The following RHOH variants were observed in gnomAD, a reference collection of about 807,000 sequenced individuals.
RHOH encodes rho-related GTP-binding protein RhoH.
In RHOH, 6 loss-of-function variants were observed where a neutral mutation model predicts 13.8. That is an observed-to-expected ratio of 0.44 (90% confidence interval 0.24 to 0.86). RHOH has a LOEUF of 0.86. Among genes scored for constraint, RHOH ranks in the 40% least tolerant of loss-of-function variants. The probability of loss-of-function intolerance (pLI) is 0.24; values close to 1 mark genes in which losing one functional copy is unlikely to be tolerated. For missense variants in RHOH, 147 were observed against 244.5 expected (o/e 0.60, Z 2.66); for synonymous variants, 117 against 103.0 (o/e 1.14, Z -0.82).
intron 1 of RHOH, among the ~76,000 whole-genome samples, chr4:40,223,733 C>A (rs1726872176): frequency 7.0e-6 from 1 of 142,142 alleles, no homozygotes; most frequent in Admixed American, 7.1e-5. Context: ...GCCATGTATA[C>A]TTTTAGACAT....
At chr4:40,216,814 A>C (rs1211250402) in intron 1 of RHOH, among the ~76,000 whole-genome samples, 2 of 152,234 alleles carry the variant, frequency 1.3e-5, no homozygotes, top group African/African-American at 2.4e-5. Context: ...CATAAATGAT[A>C]GTTCAAATAT....
At chr4:40,198,547 G>A (rs909614766) in intron 1 of RHOH, among the ~76,000 whole-genome samples, 5 of 152,332 alleles carry the variant, frequency 3.3e-5, no homozygotes, top group South Asian at 2.1e-4. Flanking sequence ...CTTGTCGAGC[G>A]TGGCCTCTTC....
intron 1 of RHOH, among the ~76,000 whole-genome samples, chr4:40,230,339 G>A (rs2109506493): frequency 6.6e-6 from 1 of 151,446 alleles, no homozygotes; most frequent in East Asian, 2.0e-4. Flanking sequence ...CACCCGGCCT[G>A]GACTTTTTTG....
In RHOH at chr4:40,208,235, T is replaced by TG. The variant is rs139030547; in HGVS notation, c.-331+10937dup. The stretch of plus-strand genomic sequence containing the variant: ...GTTAGTGCTCCTTCCTTTATAAATT[T>TG]GGTCGTGATTGATTTTATTTCTCAA... On this transcript the variant is annotated intron_variant, in intron 1 of 2. Transcript: ENST00000381799. Among the ~76,000 whole-genome samples, 1,177 of 152,354 alleles carry TG rather than the reference T, an allele frequency of 7.7e-3. 25 individuals are homozygous for TG. Among genetic ancestry groups the TG allele is most frequent in the South Asian group, 0.045 (216 of 4,826 alleles).
At position 40,203,543 on chromosome 4, in the gene RHOH, TGAGA is replaced by T. The variant is rs932328053; in HGVS notation, c.-331+6253_-331+6256del. On this transcript the variant is annotated intron_variant, in intron 1 of 2. Coordinates refer to ENST00000381799, the MANE Select transcript of RHOH (RefSeq NM_004310.5). ...GTGAGTGTGTGTGTGTGTGTGTGTGTGAGAGAGAGAGAGTGTGTGTGTGTGTGTT... is the reference window on the plus strand; with the variant it reads ...GTGAGTGTGTGTGTGTGTGTGTGTGTGAGAGAGAGTGTGTGTGTGTGTGTT... Among the ~76,000 whole-genome samples the T allele has an allele frequency of 7.4e-5, 11 of 148,252 alleles. No individual in the cohort carries two copies. In the East Asian group the frequency reaches 9.7e-4, roughly 13 times the overall value.
At chr4:40,199,347 C>G (rs763129912) in intron 1 of RHOH, among the ~76,000 whole-genome samples, 2 of 152,248 alleles carry the variant, frequency 1.3e-5, no homozygotes, top group African/African-American at 2.4e-5. Flanking sequence ...AAAGCTAACT[C>G]TCCTAATCCC....
chr4:40,193,186 G>A (rs1722782027), upstream of RHOH: 1 of 152,554 alleles, frequency 6.6e-6, no homozygotes, highest in Non-Finnish European at 1.5e-5. Context: ...ACCTCACTGG[G>A]CTTGCAATGG....
intron 1 of RHOH, among the ~76,000 whole-genome samples, chr4:40,204,599 C>T (rs1724420598): frequency 6.6e-6 from 1 of 152,200 alleles, no homozygotes; most frequent in African/African-American, 2.4e-5. Flanking sequence ...CATTCATGGA[C>T]TCTCAGGGAT....
intron 1 of RHOH, among the ~76,000 whole-genome samples, chr4:40,217,541 G>A (rs759683686): frequency 1.3e-5 from 2 of 152,016 alleles, no homozygotes; most frequent in South Asian, 2.1e-4. Flanking sequence ...TCAGGATTAC[G>A]TTGCACATAC....
rs147939595 is a variant in RHOH, at chr4:40,209,921, A to T, written c.-331+12621A>T. Among the ~76,000 whole-genome samples, 1,083 of 152,378 alleles carry T rather than the reference A, an allele frequency of 7.1e-3. 12 individuals are homozygous for T. Among genetic ancestry groups the T allele is most frequent in the African/African-American group, 0.024 (1,017 of 41,590 alleles). ...TATCTTTTCATGGCCATTTCTCTAC[A>T]CAGTAATACCAAATATCTAAAAGTT... On this transcript the variant is annotated intron_variant, in intron 1 of 2. Coordinates refer to ENST00000381799, the MANE Select transcript of RHOH (RefSeq NM_004310.5).
At chr4:40,239,789 A>G (rs1729030225) in intron 1 of RHOH, among the ~76,000 whole-genome samples, 1 of 152,106 alleles carries the variant, frequency 6.6e-6, no homozygotes, top group South Asian at 2.1e-4. Flanking sequence ...GAGGCAGGAG[A>G]ATCACTTGAA....
At chr4:40,237,299 CA>C (rs1234535387) in intron 1 of RHOH, among the ~76,000 whole-genome samples, 4 of 151,918 alleles carry the variant, frequency 2.6e-5, no homozygotes, top group Admixed American at 6.6e-5. Flanking sequence ...CTAAAAAATA[CA>C]AAAAAATAGC....
chr4:40,202,237 G>A (rs542719292), intron 1 of RHOH, among the ~76,000 whole-genome samples: 6 of 152,102 alleles, frequency 3.9e-5, no homozygotes, highest in South Asian at 2.1e-4. Context: ...ACGTCACTGC[G>A]CACAGCCCAT....
In RHOH at chr4:40,218,201, C is replaced by G; in HGVS notation, c.-331+20901C>G. 1 of 152,332 alleles carries G rather than the reference C, an allele frequency of 6.6e-6. No individual in the cohort carries two copies. Among genetic ancestry groups the G allele is most frequent in the African/African-American group, 2.4e-5 (1 of 41,576 alleles). 9.4% of individuals were successfully genotyped at this position (152,332 alleles called of 1,614,324 possible). A position where few individuals can be genotyped will look rare whatever the true frequency, so the allele number is the denominator to read the frequency against. ...TTCATCGAGTCCAAAGGACACTCAC[C>G]TCTAGGCCTCTCAGCCTCCTTGGCC... is the stretch of plus-strand genomic sequence containing the variant. On this transcript the variant is annotated intron_variant, in intron 1 of 2. Transcript: ENST00000381799. This position sits in a 1 kb window ranked among gnomAD's most constrained non-coding sequence, Gnocchi z 4.1.
At chr4:40,228,784 G>C (rs373468619) in intron 1 of RHOH, among the ~76,000 whole-genome samples, 5 of 152,260 alleles carry the variant, frequency 3.3e-5, no homozygotes, top group African/African-American at 1.2e-4. Context: ...GAACCCCCAG[G>C]GCAGAGGGTC....
rs1317507202 is a variant in RHOH at position 40,244,526 on chromosome 4, C to T, written c.*564C>T. 9.6e-6 allele frequency: 2 copies of T among 208,312 alleles called. No individual in the cohort carries two copies. The highest frequency in any genetic ancestry group is 2.1e-5 in the Non-Finnish European group (2 of 93,140). The allele number at this position is 208,312 out of a possible 1,614,324, so 12.9% of individuals were successfully genotyped here. On this transcript the variant is annotated 3_prime_UTR_variant, in exon 3 of 3. Transcript: ENST00000381799. ...AAAAATGACCATAAATGAATCTTTGCAATTTGTTTTCTACTTACCTGTTAT... is the reference window on the plus strand; with the variant it reads ...AAAAATGACCATAAATGAATCTTTGTAATTTGTTTTCTACTTACCTGTTAT...
chr4:40,236,002 A>G (rs1281031006), intron 1 of RHOH, among the ~76,000 whole-genome samples: 2 of 151,248 alleles, frequency 1.3e-5, no homozygotes, highest in African/African-American at 2.4e-5. Flanking sequence ...AAAAAAAGAA[A>G]AAAAAAAGGG....
At position 40,197,153 on chromosome 4, in the gene RHOH, G is replaced by A. The variant is rs1723236061; in HGVS notation, c.-478G>A. 6.6e-6 allele frequency: 1 copy of A among 152,228 alleles called. No homozygotes were observed. The highest frequency in any genetic ancestry group is 1.5e-5 in the Non-Finnish European group (1 of 68,056). 9.4% of individuals were successfully genotyped at this position (152,228 alleles called of 1,614,324 possible). A position where few individuals can be genotyped will look rare whatever the true frequency, so the allele number is the denominator to read the frequency against. ...AGTGTGAATCAGTTAATATTCTCGGGAACGAGGGAGAGGTTGATCCTATGA... is the reference window on the plus strand; with the variant it reads ...AGTGTGAATCAGTTAATATTCTCGGAAACGAGGGAGAGGTTGATCCTATGA... On this transcript the variant is annotated 5_prime_UTR_variant, in exon 1 of 3. Transcript: ENST00000381799.
At position 40,197,209 on chromosome 4, in the gene RHOH, C is replaced by T. The variant is rs1723244697; in HGVS notation, c.-422C>T. ...TCAACCACAGTGAAAAGGCTTGGGC[C>T]GCTTTTGTTTTCACCTGCTTTTGTT... is the stretch of plus-strand genomic sequence containing the variant. On this transcript the variant is annotated 5_prime_UTR_variant, in exon 1 of 3. Transcript: ENST00000381799. The T allele has an allele frequency of 6.6e-6, 1 of 152,174 alleles. No individual in the cohort carries two copies. Among genetic ancestry groups the T allele is most frequent in the South Asian group, 2.1e-4 (1 of 4,834 alleles). 9.4% of individuals were successfully genotyped at this position (152,174 alleles called of 1,614,324 possible).
Sources: allele counts gnomAD v4.1 joint callset (sites outside exome capture counted in the v4.1 genomes callset), GRCh38; gene constraint gnomAD v4.1.1; non-coding constraint Gnocchi (gnomAD v3.1); transcripts MANE v1.5; gene names NCBI Gene and HGNC (gene_info 2026-07-23, HGNC 2026-07-21).